The following COL22A1 variants were observed in gnomAD, a reference collection of about 807,000 sequenced individuals.
The protein encoded by COL22A1 is collagen alpha-1(XXII) chain.
COL22A1 carries 221 observed loss-of-function variants against 248.9 expected under a neutral mutation model. That is an observed-to-expected ratio of 0.89 (90% confidence interval 0.80 to 0.99). The LOEUF is 0.99. Among genes scored for constraint, COL22A1 ranks in the 50% least tolerant of loss-of-function variants. The pLI is 0.00. For synonymous variants in COL22A1, 891 were observed against 793.4 expected (o/e 1.12, Z -2.07); for missense variants, 2,240 against 2,179.0 (o/e 1.03, Z -0.56).
chr8:138,630,898 G>T lies in COL22A1; in HGVS notation c.3610-150C>A, dbSNP rs1587715914. On this transcript the variant is annotated intron_variant, in intron 49 of 64. Transcript: ENST00000303045. The stretch of plus-strand genomic sequence containing the variant: ...AATGTGATTCCCAATATTGTAGGTG[G>T]GCCCTGGTGGGAGGTGACTGAATCA... The T allele has an allele frequency of 4.1e-6, 3 of 728,096 alleles. No homozygotes were observed. In the East Asian group the frequency reaches 7.7e-5, roughly 19 times the overall value. 45.1% of individuals were successfully genotyped at this position (728,096 alleles called of 1,614,324 possible).
rs1266826510 is a variant in COL22A1 at position 138,694,817 on chromosome 8, G to C, written c.2646+9C>G. ...AGCCCTGCGGGGGAAGGGGACACAA[G>C]AGACTCACCGGTTCCCCAGGCAGGC... On this transcript the variant is annotated intron_variant, in intron 33 of 64. Coordinates refer to ENST00000303045, the MANE Select transcript of COL22A1 (RefSeq NM_152888.3). The C allele has an allele frequency of 1.9e-6, 3 of 1,613,904 alleles. No individual in the cohort carries two copies. The highest frequency in any genetic ancestry group is 2.5e-6 in the Non-Finnish European group (3 of 1,179,876).
At chr8:138,636,963 G>A (rs781410936) in intron 47 of COL22A1, among the ~76,000 whole-genome samples, 168 bp from the exon 48 acceptor site, 14 of 152,138 alleles carry the variant, frequency 9.2e-5, no homozygotes, top group Admixed American at 2.0e-4. Flanking sequence ...AACAGGGCCT[G>A]GTTGAGGATG....
At chr8:138,660,987 T>G (rs879377878) in intron 43 of COL22A1, among the ~76,000 whole-genome samples, 15,145 of 42,004 alleles carry the variant, frequency 0.36, 1,257 homozygotes, top group Middle Eastern at 0.41. Flanking sequence ...CACACACACA[T>G]ACACACATAC....
Position 138,716,822 on chromosome 8 carries a change from G to A in COL22A1, c.2400+3C>T, listed in dbSNP as rs1455370230. The A allele has an allele frequency of 6.2e-7, 1 of 1,605,218 alleles. No homozygotes were observed. The highest frequency in any genetic ancestry group is 8.5e-7 in the Non-Finnish European group (1 of 1,172,014). Reference sequence around the variant, plus strand: ...GAATGAATAAAAGCACAAACAAACAGACCTTCTCTCCAGGTCGGCCTGCCA... The same window carrying A: ...GAATGAATAAAAGCACAAACAAACAAACCTTCTCTCCAGGTCGGCCTGCCA... On this transcript the variant is annotated splice_donor_region_variant and intron_variant, in intron 28 of 64. Coordinates refer to ENST00000303045, the MANE Select transcript of COL22A1 (RefSeq NM_152888.3).
chr8:138,741,109 A>G (rs1284341035), intron 22 of COL22A1, among the ~76,000 whole-genome samples: 2 of 152,024 alleles, frequency 1.3e-5, no homozygotes, highest in African/African-American at 4.8e-5. Context: ...AGCCCCAAAT[A>G]CCCACTTAGG....
At chr8:138,814,699 C>G (rs1473189343) in intron 7 of COL22A1, among the ~76,000 whole-genome samples, 1 of 152,098 alleles carries the variant, frequency 6.6e-6, no homozygotes, top group Non-Finnish European at 1.5e-5. Flanking sequence ...AGTGAAAGAC[C>G]CTGAGTGAAC....
At chr8:138,610,275 C>G (rs1024141631) in intron 56 of COL22A1, among the ~76,000 whole-genome samples, 1 of 152,180 alleles carries the variant, frequency 6.6e-6, no homozygotes, top group South Asian at 2.1e-4. Context: ...AAACTAGTGG[C>G]TGTGAGGTGG....
At chr8:138,599,374 G>C (rs1817816151) in intron 60 of COL22A1, among the ~76,000 whole-genome samples, 1 of 152,144 alleles carries the variant, frequency 6.6e-6, no homozygotes, top group African/African-American at 2.4e-5. Flanking sequence ...AGCTACTCAG[G>C]AGGCTGAGGC....
chr8:138,602,324 G>T (rs1818090780), intron 59 of COL22A1, among the ~76,000 whole-genome samples, 165 bp from the exon 60 acceptor site: 1 of 151,964 alleles, frequency 6.6e-6, no homozygotes, highest in Non-Finnish European at 1.5e-5. Context: ...GTGGGGGTGG[G>T]GGCGGCACAC....
intron 10 of COL22A1, among the ~76,000 whole-genome samples, chr8:138,805,532 C>T (rs1437139008): frequency 6.6e-5 from 6 of 90,552 alleles, no homozygotes; most frequent in African/African-American, 3.1e-4. Context: ...TGTGTGATGG[C>T]ATGTGTGTGA....
chr8:138,809,306 G>C (rs977437421), intron 9 of COL22A1, among the ~76,000 whole-genome samples: 3 of 152,024 alleles, frequency 2.0e-5, no homozygotes, highest in Admixed American at 1.3e-4. Context: ...GAATTTTTGA[G>C]GGCCAAATTC....
intron 43 of COL22A1, 63 bp downstream of exon 43, chr8:138,661,967 G>C: frequency 5.4e-6 from 7 of 1,293,910 alleles, no homozygotes; most frequent in South Asian, 2.7e-5. Context: ...AGATGGTGGA[G>C]GGCGGGCTTT....
At chr8:138,753,344 T>G (rs983706153) in intron 21 of COL22A1, among the ~76,000 whole-genome samples, 1 of 152,216 alleles carries the variant, frequency 6.6e-6, no homozygotes, top group African/African-American at 2.4e-5. Context: ...ATTACTGTTC[T>G]TCTCTTAATA....
At chr8:138,726,631 A>G (rs554776799) in intron 23 of COL22A1, among the ~76,000 whole-genome samples, 4 of 152,280 alleles carry the variant, frequency 2.6e-5, no homozygotes, top group Admixed American at 2.0e-4. Flanking sequence ...AGAGGGATGA[A>G]GGCAAGTGGG....
At chr8:138,805,215 T>C (rs1254452453) in intron 10 of COL22A1, among the ~76,000 whole-genome samples, 4 of 146,216 alleles carry the variant, frequency 2.7e-5, no homozygotes, top group Admixed American at 2.7e-4. Flanking sequence ...ATGGGGTGTG[T>C]GTGCATGTGT....
At chr8:138,870,603 G>A (rs1190028369) in intron 3 of COL22A1, among the ~76,000 whole-genome samples, 3 of 152,018 alleles carry the variant, frequency 2.0e-5, no homozygotes, top group South Asian at 4.2e-4. Flanking sequence ...ATGTGTTCAT[G>A]TATGTGTGTG....
chr8:138,807,856 T>A, intron 9 of COL22A1, 44 bp from the exon 10 acceptor site: 1 of 1,600,634 alleles, frequency 6.2e-7, no homozygotes, highest in South Asian at 1.1e-5. Context: ...CTATTTTAAT[T>A]TTCCCTTTCT....
chr8:138,872,488 G>A (rs565661334), intron 3 of COL22A1, among the ~76,000 whole-genome samples: 15 of 152,182 alleles, frequency 9.9e-5, no homozygotes, highest in Non-Finnish European at 1.8e-4. Flanking sequence ...GAAGTAGGTG[G>A]AGGCCTTCTC....
At chr8:138,849,230 T>C (rs1053241511) in intron 3 of COL22A1, among the ~76,000 whole-genome samples, 4 of 152,166 alleles carry the variant, frequency 2.6e-5, no homozygotes, top group Admixed American at 2.0e-4. Context: ...GGGAATGCCA[T>C]GTGGATTGTT....
Sources: gnomAD v4.1 joint callset for allele counts (sites outside exome capture counted in the v4.1 genomes callset) on GRCh38, gnomAD v4.1.1 for gene constraint, MANE v1.5 for transcripts, NCBI Gene and HGNC (gene_info 2026-07-23, HGNC 2026-07-21) for gene names.